Variants in CDC42BPA observed in about 807,000 individuals in gnomAD.
CDC42BPA encodes the protein serine/threonine-protein kinase MRCK alpha.
Under a neutral mutation model 223.5 loss-of-function variants are expected in CDC42BPA, and 80 were observed. That is an observed-to-expected ratio of 0.36 (90% CI 0.30 to 0.43). The LOEUF is 0.43. Ranked by LOEUF, CDC42BPA falls within the 20% of genes least tolerant of loss-of-function variation. The probability of loss-of-function intolerance (pLI) is 1.00; values close to 1 mark genes in which losing one functional copy is unlikely to be tolerated. For missense variants in CDC42BPA, 1,743 were observed against 2,099.9 expected (o/e 0.83, Z 3.32); for synonymous variants, 694 against 718.6 (o/e 0.97, Z 0.55).
At chr1:227,036,690 A>T (rs961004857) in intron 24 of CDC42BPA, among the ~76,000 whole-genome samples, 11 of 150,862 alleles carry the variant, frequency 7.3e-5, no homozygotes, top group Non-Finnish European at 1.5e-4. Context: ...GGGCCTCCCA[A>T]AGTGCTGAGA....
At chr1:227,249,851 C>T (rs982238026) in intron 2 of CDC42BPA, among the ~76,000 whole-genome samples, 1 of 151,238 alleles carries the variant, frequency 6.6e-6, no homozygotes, top group Non-Finnish European at 1.5e-5. Flanking sequence ...TTAATGAGTA[C>T]AAAAAAAACA....
At chr1:227,148,412 C>T (rs1474189724) in intron 6 of CDC42BPA, among the ~76,000 whole-genome samples, 1 of 152,146 alleles carries the variant, frequency 6.6e-6, no homozygotes, top group Non-Finnish European at 1.5e-5. Context: ...TTATCCAAAA[C>T]ATGAACATTC....
chr1:227,256,756 C>T (rs2670466), intron 1 of CDC42BPA, among the ~76,000 whole-genome samples: 23,958 of 151,902 alleles, frequency 0.16, 2,178 homozygotes, highest in East Asian at 0.37. Context: ...CCTCAAAAAG[C>T]TAAACATAGA....
chr1:227,230,080 T>C (rs1004906581), intron 2 of CDC42BPA, among the ~76,000 whole-genome samples: 4 of 152,212 alleles, frequency 2.6e-5, no homozygotes, highest in African/African-American at 9.6e-5. Context: ...AACAGAGCCC[T>C]ACTCTTTACT....
intron 1 of CDC42BPA, among the ~76,000 whole-genome samples, chr1:227,272,298 G>T (rs549372315): frequency 6.6e-6 from 1 of 152,180 alleles, no homozygotes; most frequent in East Asian, 1.9e-4. Flanking sequence ...ATATACCACA[G>T]ATATATCAGA....
intron 14 of CDC42BPA, among the ~76,000 whole-genome samples, chr1:227,101,823 G>T (rs1685103669): frequency 6.6e-6 from 1 of 152,076 alleles, no homozygotes; most frequent in East Asian, 1.9e-4. Flanking sequence ...GATTAAGAAG[G>T]AGAAGAAATT....
intron 3 of CDC42BPA, among the ~76,000 whole-genome samples, chr1:227,202,467 T>C (rs1403893952): frequency 2.0e-5 from 3 of 152,112 alleles, no homozygotes; most frequent in African/African-American, 7.2e-5. Flanking sequence ...AATCCGAAAT[T>C]TTATAAACAT....
chr1:227,212,553 A>G (rs967717910), intron 3 of CDC42BPA, among the ~76,000 whole-genome samples: 4 of 152,022 alleles, frequency 2.6e-5, no homozygotes, highest in Non-Finnish European at 5.9e-5. Context: ...CTCCAAATCT[A>G]TGTGTGACAG....
chr1:227,232,410 C>T (rs115344261), intron 2 of CDC42BPA, among the ~76,000 whole-genome samples: 8,192 of 152,210 alleles, frequency 0.054, 243 homozygotes, highest in Non-Finnish European at 0.072. Context: ...AGTCAGGCAG[C>T]GTGATGCCTG....
intron 5 of CDC42BPA, among the ~76,000 whole-genome samples, chr1:227,174,081 T>G (rs1666546820): frequency 1.3e-5 from 2 of 152,194 alleles, no homozygotes; most frequent in Admixed American, 1.3e-4. Flanking sequence ...GTAACAGTTT[T>G]TAACTATATT....
intron 3 of CDC42BPA, among the ~76,000 whole-genome samples, chr1:227,201,507 T>A (rs1671748185): frequency 6.6e-6 from 1 of 152,122 alleles, no homozygotes; most frequent in Admixed American, 6.5e-5. Context: ...AAAATAACAC[T>A]ATGACAGAAA....
chr1:227,008,893 A>T (rs994145731), intron 34 of CDC42BPA, among the ~76,000 whole-genome samples: 2 of 152,188 alleles, frequency 1.3e-5, no homozygotes, highest in Admixed American at 1.3e-4. Context: ...GAAAATAAAA[A>T]AATTAAAATG....
At chr1:227,205,268 CAAAAAAA>C (rs1158919272) in intron 3 of CDC42BPA, among the ~76,000 whole-genome samples, 4 of 110,226 alleles carry the variant, frequency 3.6e-5, no homozygotes, top group Admixed American at 9.3e-5. Context: ...GACTCTGTCT[CAAAAAAA>C]AAAAAAAAAT....
intron 16 of CDC42BPA, among the ~76,000 whole-genome samples, chr1:227,083,084 A>G (rs1681050455): frequency 6.6e-6 from 1 of 152,130 alleles, no homozygotes; most frequent in South Asian, 2.1e-4. Flanking sequence ...ATTTGTGGCT[A>G]AATGTTTCTC....
At chr1:227,072,330 A>C in intron 19 of CDC42BPA, 31 bp from the exon 20 acceptor site, 1 of 1,262,264 alleles carries the variant, frequency 7.9e-7, no homozygotes. Flanking sequence ...GAAAAATGTC[A>C]TTAATTTTTA....
intron 14 of CDC42BPA, among the ~76,000 whole-genome samples, chr1:227,102,801 T>C (rs1052600943): frequency 2.7e-5 from 4 of 147,044 alleles, no homozygotes; most frequent in African/African-American, 7.8e-5. Context: ...AATAAATGTG[T>C]CATAAAATGA....
intron 22 of CDC42BPA, among the ~76,000 whole-genome samples, chr1:227,050,531 T>C (rs1372571994): frequency 6.6e-6 from 1 of 152,124 alleles, no homozygotes; most frequent in East Asian, 1.9e-4. Flanking sequence ...CTGATAATAA[T>C]GAAAAATTGG....
intron 35 of CDC42BPA, among the ~76,000 whole-genome samples, chr1:227,002,394 A>G (rs949844956): frequency 6.6e-6 from 1 of 152,276 alleles, no homozygotes; most frequent in Non-Finnish European, 1.5e-5. Flanking sequence ...TACTGGGTAC[A>G]GATGATGTTA....
rs1558499402 is a variant in CDC42BPA at position 227,101,196 on chromosome 1, T to C, written c.2045A>G (p.His682Arg). The change falls in exon 15 of 37, where the codon CAT becomes CGT. Residue 682 changes from histidine to arginine, a missense_variant. Physicochemically the swap from His to Arg is conservative, Grantham distance 29 (BLOSUM62 0). Coordinates refer to ENST00000366766, the MANE Select transcript of CDC42BPA (RefSeq NM_001394014.1). ...CTTTAGTTTGGTTATCTCTTGCTGA[T>C]GTTCTATGCTGCATACTCCTGGTGA... ...SYSPGVCSIE[H>R]QQEITKLKTD... is the part of the protein sequence containing the mutation. The C allele has an allele frequency of 6.2e-7, 1 of 1,603,770 alleles. No individual in the cohort carries two copies. Among genetic ancestry groups the C allele is most frequent in the Non-Finnish European group, 8.5e-7 (1 of 1,172,046 alleles).
Sources: gnomAD v4.1 joint callset for allele counts (sites outside exome capture counted in the v4.1 genomes callset) on GRCh38, gnomAD v4.1.1 for gene constraint, MANE v1.5 for transcripts, NCBI Gene and HGNC (gene_info 2026-07-23, HGNC 2026-07-21) for gene names.